Variants in HMCN1 observed in about 807,000 individuals in gnomAD.
HMCN1 encodes the protein hemicentin 1, also known as hemicentin-1.
HMCN1 carries 321 observed loss-of-function variants against 625.9 expected under a neutral mutation model. The observed-to-expected ratio is 0.51, with a 90% confidence interval of 0.47 to 0.56. The LOEUF (loss-of-function observed/expected upper bound fraction) is 0.56. Ranked by LOEUF, HMCN1 falls within the 20% of genes least tolerant of loss-of-function variation. HMCN1 has a pLI of 0.00. For missense variants in HMCN1, 6,588 were observed against 6,887.3 expected (o/e 0.96, Z 1.54); for synonymous variants, 2,425 against 2,417.6 (o/e 1.00, Z -0.09).
intron 11 of HMCN1, among the ~76,000 whole-genome samples, chr1:185,959,788 C>G (rs911743342): frequency 1.3e-5 from 2 of 151,722 alleles, no homozygotes; most frequent in African/African-American, 4.8e-5. Flanking sequence ...TTTTTTTTCC[C>G]CTAACAGGAT....
intron 1 of HMCN1, among the ~76,000 whole-genome samples, chr1:185,835,529 G>A (rs1309771578): frequency 6.6e-6 from 1 of 152,060 alleles, no homozygotes; most frequent in Non-Finnish European, 1.5e-5. Flanking sequence ...TGCCTTTGGA[G>A]AAGATTCAGA....
intron 11 of HMCN1, among the ~76,000 whole-genome samples, chr1:185,934,124 T>C (rs1667698024): frequency 6.6e-6 from 1 of 152,226 alleles, no homozygotes; most frequent in Admixed American, 6.5e-5. Context: ...TTAATCCATC[T>C]TGTGGATTTT....
intron 11 of HMCN1, among the ~76,000 whole-genome samples, chr1:185,945,820 C>A (rs1404179528): frequency 6.6e-6 from 1 of 152,118 alleles, no homozygotes; most frequent in Non-Finnish European, 1.5e-5. Context: ...GAGATCCAAA[C>A]CCATAATGAT....
chr1:185,800,455 C>A (rs141400568), intron 1 of HMCN1, among the ~76,000 whole-genome samples: 1 of 152,274 alleles, frequency 6.6e-6, no homozygotes, highest in Admixed American at 6.5e-5. Context: ...ATCCAGTCAT[C>A]TGTTTAGTCT....
chr1:186,147,674 T>C (rs571035421), intron 93 of HMCN1, among the ~76,000 whole-genome samples: 35 of 152,328 alleles, frequency 2.3e-4, no homozygotes, highest in South Asian at 8.3e-4. Context: ...GGCACATGAA[T>C]GTTTTGGTGC....
rs143039078 is a variant in HMCN1, at chr1:186,007,290, C to T, written c.4630+8C>T. The T allele has an allele frequency of 4.9e-4, 792 of 1,611,864 alleles. 3 individuals are homozygous for T. Among genetic ancestry groups the T allele is most frequent in the South Asian group, 4.0e-4 (36 of 91,038 alleles). On this transcript the variant is annotated splice_region_variant and intron_variant, in intron 30 of 106. Transcript: ENST00000271588. ...TAAAACTGACTATCTATAGTAAGTG[C>T]GATTGTCTTATGCTTTTTATTGTCT...
intron 57 of HMCN1, among the ~76,000 whole-genome samples, chr1:186,085,777 C>A (rs1055416635): frequency 3.3e-5 from 5 of 152,070 alleles, no homozygotes; most frequent in Non-Finnish European, 5.9e-5. Flanking sequence ...CATTGCTCTA[C>A]CTTCCAAAGG....
chr1:185,982,456 T>TC (rs1432868547), intron 18 of HMCN1, 67 bp downstream of exon 18: 1 of 1,428,698 alleles, frequency 7.0e-7, no homozygotes, highest in Non-Finnish European at 9.7e-7. Flanking sequence ...TTTTTTTTTT[T>TC]CTTTGAGACA....
chr1:186,016,367 G>A, intron 32 of HMCN1, 128 bp downstream of exon 32: 1 of 817,098 alleles, frequency 1.2e-6, no homozygotes, highest in Admixed American at 2.5e-5. Context: ...TGCAACTGTG[G>A]ATTGCACATT....
chr1:185,892,312 A>G (rs553533877), intron 4 of HMCN1, among the ~76,000 whole-genome samples: 8,778 of 150,636 alleles, frequency 0.058, 933 homozygotes, highest in African/African-American at 0.21. Context: ...CTCTCAGCTC[A>G]TCAAAGTCAT....
At chr1:186,164,810 C>G (rs1651774513) in intron 97 of HMCN1, among the ~76,000 whole-genome samples, 1 of 152,180 alleles carries the variant, frequency 6.6e-6, no homozygotes, top group Non-Finnish European at 1.5e-5. Context: ...ATGGTTATGC[C>G]TGGCATATAC....
intron 36 of HMCN1, among the ~76,000 whole-genome samples, chr1:186,032,129 C>T (rs1375760859): frequency 6.6e-6 from 1 of 151,808 alleles, no homozygotes; most frequent in Non-Finnish European, 1.5e-5. Context: ...AACAGACAAC[C>T]CACAGAGTGG....
intron 97 of HMCN1, among the ~76,000 whole-genome samples, chr1:186,157,585 A>G (rs1024962508): frequency 8.5e-5 from 13 of 152,222 alleles, no homozygotes; most frequent in Non-Finnish European, 1.3e-4. Context: ...CGCTGCACCC[A>G]CTAACTCCCC....
At chr1:185,754,717 A>T (rs971866073) in intron 1 of HMCN1, among the ~76,000 whole-genome samples, 13 of 152,138 alleles carry the variant, frequency 8.5e-5, no homozygotes, top group Admixed American at 3.9e-4. Context: ...GCATGATGGC[A>T]GATGCCTGTA....
chr1:186,020,827 C>T, intron 35 of HMCN1, among the ~76,000 whole-genome samples: 1 of 152,004 alleles, frequency 6.6e-6, no homozygotes, highest in East Asian at 1.9e-4. Flanking sequence ...AACCAGAAAG[C>T]CAGCCAGTGG....
intron 86 of HMCN1, 106 bp from the exon 87 acceptor site, chr1:186,136,561 TA>T (rs2102532682): frequency 9.8e-7 from 1 of 1,024,214 alleles, no homozygotes; most frequent in Non-Finnish European, 1.5e-6. Flanking sequence ...CAGTGTTTTA[TA>T]AACAAATCAA....
chr1:185,982,698 C>T (rs568710479), intron 18 of HMCN1, among the ~76,000 whole-genome samples: 1 of 152,224 alleles, frequency 6.6e-6, no homozygotes, highest in South Asian at 2.1e-4. Context: ...ACCTCGGCCT[C>T]TCAAAGTGCT....
intron 11 of HMCN1, among the ~76,000 whole-genome samples, chr1:185,948,906 G>A (rs1442303475): frequency 6.6e-6 from 1 of 151,830 alleles, no homozygotes; most frequent in African/African-American, 2.4e-5. Flanking sequence ...GCTGAAGGGA[G>A]GTCTTGTGGT....
chr1:186,026,661 T>C (rs1364779499), intron 36 of HMCN1, among the ~76,000 whole-genome samples: 1 of 152,172 alleles, frequency 6.6e-6, no homozygotes, highest in African/African-American at 2.4e-5. Context: ...AGAGACAAAA[T>C]CTCACTCTGT....
Sources: allele counts gnomAD v4.1 joint callset (sites outside exome capture counted in the v4.1 genomes callset), GRCh38; gene constraint gnomAD v4.1.1; transcripts MANE v1.5; gene names NCBI Gene and HGNC (gene_info 2026-07-23, HGNC 2026-07-21).